Variants in COL24A1 observed in about 807,000 individuals in gnomAD.
COL24A1 encodes collagen alpha-1(XXIV) chain.
Under a neutral mutation model 253.9 loss-of-function variants are expected in COL24A1, and 224 were observed. The observed-to-expected ratio is 0.88, with a 90% CI of 0.79 to 0.99. The LOEUF (loss-of-function observed/expected upper bound fraction) is 0.99. Ranked by LOEUF, COL24A1 falls within the 50% of genes least tolerant of loss-of-function variation. The probability of loss-of-function intolerance (pLI) is 0.00; values close to 1 mark genes in which losing one functional copy is unlikely to be tolerated. For missense variants in COL24A1, 2,131 were observed against 2,068.5 expected, an observed-to-expected ratio of 1.03 and a Z score of -0.59; for synonymous variants, 685 against 673.7, an observed-to-expected ratio of 1.02 and a Z score of -0.26.
intron 5 of COL24A1, among the ~76,000 whole-genome samples, chr1:86,093,220 C>T (rs1033343539): frequency 2.0e-5 from 3 of 151,872 alleles, no homozygotes; most frequent in African/African-American, 2.4e-5. Flanking sequence ...CCTGCGTGTC[C>T]CCCAGTAAGT....
intron 7 of COL24A1, among the ~76,000 whole-genome samples, chr1:86,085,461 T>C (rs1012502972): frequency 2.6e-5 from 4 of 152,198 alleles, no homozygotes; most frequent in African/African-American, 9.6e-5. Flanking sequence ...CTCTGAGTTG[T>C]GGTAAGAGGT....
In COL24A1 at chr1:86,031,937, A is replaced by G; in HGVS notation, c.2005-15T>C. On this transcript the variant is annotated splice_polypyrimidine_tract_variant and intron_variant, in intron 13 of 59. Transcript: ENST00000370571. ...CCTACAAGTCCCTATTGTAAAAGAAATTTGCAATACTTATTAAATTTGATT... is the reference window on the plus strand; with the variant it reads ...CCTACAAGTCCCTATTGTAAAAGAAGTTTGCAATACTTATTAAATTTGATT... The G allele has an allele frequency of 5.0e-6, 8 of 1,604,934 alleles. No individual in the cohort carries two copies. Among genetic ancestry groups the G allele is most frequent in the Non-Finnish European group, 5.1e-6 (6 of 1,174,724 alleles).
At chr1:85,990,910 G>A (rs1694192899) in intron 19 of COL24A1, among the ~76,000 whole-genome samples, 1 of 152,172 alleles carries the variant, frequency 6.6e-6, no homozygotes, top group Admixed American at 6.5e-5. Context: ...TTCTGCCTTA[G>A]TGTACCACTA....
At chr1:86,068,867 T>C (rs1240257990) in intron 7 of COL24A1, among the ~76,000 whole-genome samples, 1 of 152,076 alleles carries the variant, frequency 6.6e-6, no homozygotes, top group Non-Finnish European at 1.5e-5. Flanking sequence ...CTAGATGCAC[T>C]CTGGGTCAAA....
chr1:85,903,761 C>T (rs980667921), intron 28 of COL24A1, among the ~76,000 whole-genome samples: 7 of 152,060 alleles, frequency 4.6e-5, no homozygotes, highest in African/African-American at 1.7e-4. Context: ...TTTACAGAAC[C>T]ACTACTTCGT....
rs72952509 is a variant in COL24A1 at position 85,817,146 on chromosome 1, G to A, written c.3844-251C>T. On this transcript the variant is annotated intron_variant, in intron 46 of 59. Transcript: ENST00000370571. The stretch of plus-strand genomic sequence containing the variant: ...CAGCAATTTACTGTGTAACTTTTGC[G>A]CCTTAGTGTAATTCTCTGGTGTTTC... Among the ~76,000 whole-genome samples the A allele has an allele frequency of 9.6e-3, 1,454 of 152,188 alleles. 22 individuals are homozygous for A. Among genetic ancestry groups the A allele is most frequent in the African/African-American group, 0.033 (1,374 of 41,502 alleles).
intron 37 of COL24A1, among the ~76,000 whole-genome samples, chr1:85,857,425 G>A (rs1678557696): frequency 7.1e-6 from 1 of 140,066 alleles, no homozygotes; most frequent in South Asian, 2.3e-4. Flanking sequence ...GGGACCTGAT[G>A]TGAGACCAGT....
chr1:86,152,225 C>A (rs1652872541), intron 1 of COL24A1, among the ~76,000 whole-genome samples: 2 of 152,056 alleles, frequency 1.3e-5, no homozygotes, highest in South Asian at 4.1e-4. Context: ...ATAGCTAAAC[C>A]AGCATGAAGC....
Position 85,912,337 on chromosome 1 carries a change from C to A in COL24A1, c.2563-904G>T, listed in dbSNP as rs1006830704. ...TCAATTATTTCTCCTTCAAACAGTA[C>A]AGAAAGCAAAAAGAATAACACAGAA... On this transcript the variant is annotated intron_variant, in intron 24 of 59. Coordinates refer to ENST00000370571, the MANE Select transcript of COL24A1 (RefSeq NM_152890.7). Among the ~76,000 whole-genome samples, 4 of 147,018 alleles carry A rather than the reference C, an allele frequency of 2.7e-5. No homozygotes were observed. The South Asian group carries it at 9.6e-4, about 35-fold the overall frequency.
Position 86,141,375 on chromosome 1 carries a change from T to C in COL24A1, c.121+4744A>G, listed in dbSNP as rs142419621. ...TAAAGGAGACCAAAGGTTAATGACA[T>C]AGAAGCATTGAATCAATCGTAGAGG... On this transcript the variant is annotated intron_variant, in intron 2 of 59. Transcript: ENST00000370571. Among the ~76,000 whole-genome samples the C allele has an allele frequency of 1.1e-4, 17 of 152,270 alleles. No homozygotes were observed. In the East Asian group the frequency reaches 3.1e-3, roughly 28 times the overall value.
intron 31 of COL24A1, among the ~76,000 whole-genome samples, chr1:85,894,220 G>C (rs1683425802): frequency 6.6e-6 from 1 of 152,160 alleles, no homozygotes; most frequent in Non-Finnish European, 1.5e-5. Context: ...ATAGAGCTAA[G>C]TAAACCTCAA....
chr1:86,065,926 G>A (rs1012927184), intron 7 of COL24A1, among the ~76,000 whole-genome samples: 4 of 152,106 alleles, frequency 2.6e-5, no homozygotes, highest in African/African-American at 9.7e-5. Context: ...GAGTAGGGTC[G>A]CTGAGATGCT....
chr1:85,767,283 C>T (rs776164195), intron 53 of COL24A1, among the ~76,000 whole-genome samples: 2 of 152,072 alleles, frequency 1.3e-5, no homozygotes, highest in South Asian at 2.1e-4. Context: ...GAATGACCTC[C>T]GCGAATGTAT....
chr1:86,134,417 T>C (rs1414522101), intron 2 of COL24A1, among the ~76,000 whole-genome samples: 1 of 151,414 alleles, frequency 6.6e-6, no homozygotes. Flanking sequence ...CTCTTGCTTC[T>C]CTAGTGCTTT....
At position 85,828,132 on chromosome 1, in the gene COL24A1, T is replaced by C. The variant is rs201549436; in HGVS notation, c.3682-4394A>G. On this transcript the variant is annotated intron_variant, in intron 43 of 59. Transcript: ENST00000370571. ...TTCTGGTATGTTGTGTCTTTGTTCT[T>C]GTTGGTTTCAAAGAACATCTTTATT... Among the ~76,000 whole-genome samples, 83 of 151,786 alleles carry C rather than the reference T, an allele frequency of 5.5e-4. No individual in the cohort carries two copies. The East Asian group carries it at 0.015, about 27-fold the overall frequency.
chr1:85,818,613 C>G (rs147262291), intron 45 of COL24A1, among the ~76,000 whole-genome samples: 1 of 152,276 alleles, frequency 6.6e-6, no homozygotes, highest in African/African-American at 2.4e-5. Flanking sequence ...ATATTTATTT[C>G]CCACGGAACT....
intron 48 of COL24A1, among the ~76,000 whole-genome samples, chr1:85,784,731 T>G (rs1669505411): frequency 1.3e-5 from 2 of 151,988 alleles, no homozygotes; most frequent in Non-Finnish European, 2.9e-5. Flanking sequence ...GTTTATTTAT[T>G]TATTTTATTT....
intron 24 of COL24A1, among the ~76,000 whole-genome samples, chr1:85,926,741 A>C (rs1231262288): frequency 6.6e-6 from 1 of 152,216 alleles, no homozygotes; most frequent in East Asian, 1.9e-4. Context: ...GGGTGTAGCA[A>C]ACCAACATGG....
chr1:85,869,429 G>A (rs1420978656), intron 35 of COL24A1, among the ~76,000 whole-genome samples: 2 of 152,152 alleles, frequency 1.3e-5, no homozygotes, highest in African/African-American at 4.8e-5. Context: ...AGGAAAAAAT[G>A]TTAAGGGCAG....
Sources: allele counts gnomAD v4.1 joint callset (sites outside exome capture counted in the v4.1 genomes callset), GRCh38; gene constraint gnomAD v4.1.1; transcripts MANE v1.5; gene names NCBI Gene and HGNC (gene_info 2026-07-23, HGNC 2026-07-21).